Variants in TTC32 observed in about 807,000 individuals in gnomAD.
TTC32 encodes tetratricopeptide repeat domain 32.
A neutral mutation model predicts 15.3 loss-of-function variants in TTC32; 16 were observed. The ratio of observed to expected loss-of-function variants is 1.05; its 90% CI spans 0.71 to 1.59. The LOEUF is 1.59. Ranked by LOEUF, TTC32 falls within the 40% of genes most tolerant of loss-of-function variation. The pLI, the probability that TTC32 is intolerant of heterozygous loss-of-function variation, is 0.00. For missense variants in TTC32, 188 were observed against 181.9 expected (o/e 1.03, Z -0.19); for synonymous variants, 89 against 67.8 (o/e 1.31, Z -1.53).
In TTC32 at chr2:19,901,967, G is replaced by A; in HGVS notation, c.-113C>T. On this transcript the variant is annotated 5_prime_UTR_variant, in exon 1 of 3. Transcript: ENST00000333610. ...GAATCTACCTTGACAGCCAACCTTG[G>A]CGCTAGGTTTGTGCCTTATGGGGAT... is the stretch of plus-strand genomic sequence containing the variant. 7.2e-7 allele frequency: 1 copy of A among 1,381,940 alleles called. No homozygotes were observed. The highest frequency in any genetic ancestry group is 9.9e-7 in the Non-Finnish European group (1 of 1,006,200). The allele number at this position is 1,381,940 out of a possible 1,614,324, so 85.6% of individuals were successfully genotyped here. A position where few individuals can be genotyped will look rare whatever the true frequency, so the allele number is the denominator to read the frequency against.
In TTC32 at chr2:19,901,779, C is replaced by G. The variant is rs996129847; in HGVS notation, c.76G>C (p.Glu26Gln). The part of the protein sequence containing the change: ...QAHFNNGEYA[E>Q]AEALYSAYIR... ...TAAGCGGAGTACAGTGCCTCGGCCT[C>G]CGCGTACTCTCCATTGTTGAAATGA... Residue 26 changes from glutamate to glutamine, a missense_variant, in exon 1 of 3, where the codon GAG becomes CAG. Physicochemically the swap from Glu to Gln is conservative, Grantham distance 29. Coordinates refer to ENST00000333610, the MANE Select transcript of TTC32 (RefSeq NM_001008237.3). 5.0e-6 allele frequency: 8 copies of G among 1,614,224 alleles called. No individual in the cohort carries two copies. The highest frequency in any genetic ancestry group is 6.8e-6 in the Non-Finnish European group (8 of 1,180,044).
At chr2:19,899,333 A>G (rs1002169727) in intron 1 of TTC32, among the ~76,000 whole-genome samples, 6 of 152,230 alleles carry the variant, frequency 3.9e-5, no homozygotes, top group Non-Finnish European at 8.8e-5. Context: ...CCCAGTAGAG[A>G]GTTTAAAGAA....
chr2:19,897,042 T>C lies in TTC32; in HGVS notation c.401A>G (p.Gln134Arg), dbSNP rs750831348. 8.7e-6 allele frequency: 14 copies of C among 1,606,700 alleles called. No individual in the cohort carries two copies. The highest frequency in any genetic ancestry group is 1.2e-5 in the Non-Finnish European group (14 of 1,176,900). ...GFQDATLSLKQTILDKEEKQR... is the reference protein window; with the variant it reads ...GFQDATLSLKRTILDKEEKQR... ...TTTTTCTTCTTTGTCTAGAATAGTC[T>C]GTTTTAAGCTCAAAGTAGCATCTTG... is the stretch of plus-strand genomic sequence containing the variant. The change falls in exon 3 of 3, where the codon CAG becomes CGG. Residue 134 changes from glutamine to arginine, a missense_variant. Coordinates refer to ENST00000333610, the MANE Select transcript of TTC32 (RefSeq NM_001008237.3).
At chr2:19,897,475 T>C (rs1391565337) in intron 2 of TTC32, among the ~76,000 whole-genome samples, 2 of 152,238 alleles carry the variant, frequency 1.3e-5, no homozygotes, top group Non-Finnish European at 2.9e-5. Flanking sequence ...ACACTTTAAA[T>C]GAAGAAACAC....
Position 19,898,032 on chromosome 2 carries a change from T to A in TTC32, c.153A>T (p.Lys51Asn). 5 of 1,515,506 alleles carry A rather than the reference T, an allele frequency of 3.3e-6. No individual in the cohort carries two copies. The highest frequency in any genetic ancestry group is 4.5e-6 in the Non-Finnish European group (5 of 1,121,440). The allele number at this position is 1,515,506 out of a possible 1,614,324, so 93.9% of individuals were successfully genotyped here. The part of the protein sequence containing the change: ...AASSDESPGS[K>N]CSPEDLATAY... ...CAGTAGCCAAATCCTCAGGGCTGCA[T>A]TTGCTTTAAACAAAAAGTTCACATT... The change falls in exon 2 of 3, where the codon AAA becomes AAT. Residue 51 changes from lysine (K) to asparagine (N), a missense_variant. Transcript: ENST00000333610.
At position 19,897,277 on chromosome 2, in the gene TTC32, TAG is replaced by T. The variant is rs933508024; in HGVS notation, c.317-153_317-152del. 5.5e-6 allele frequency: 4 copies of T among 731,274 alleles called. No individual in the cohort carries two copies. The African/African-American group carries it at 7.4e-5, about 14-fold the overall frequency. The allele number at this position is 731,274 out of a possible 1,614,324, so 45.3% of individuals were successfully genotyped here. ...AAGGAATCTTTTTATCTTAATAATA[TAG>T]AGATGTGTATATCAAAGTAATTTTG... On this transcript the variant is annotated intron_variant, in intron 2 of 2. Coordinates refer to ENST00000333610, the MANE Select transcript of TTC32 (RefSeq NM_001008237.3).
intron 1 of TTC32, 126 bp downstream of exon 1, chr2:19,901,580 C>CTT: frequency 7.7e-7 from 1 of 1,303,298 alleles, no homozygotes; most frequent in South Asian, 1.5e-5. Flanking sequence ...CGTCCGCCCG[C>CTT]TCAGTCCTAG....
rs201817097 is a variant in TTC32, at chr2:19,901,887, G to C, written c.-33C>G. The C allele has an allele frequency of 1.9e-5, 31 of 1,612,700 alleles. No homozygotes were observed. The highest frequency in any genetic ancestry group is 2.5e-5 in the Non-Finnish European group (29 of 1,179,264). The stretch of plus-strand genomic sequence containing the variant: ...AAGGCCTAGTTTTCGGTGTAGAATG[G>C]GGGTTGACCTCCGAGCGGTTAGAGG... On this transcript the variant is annotated 5_prime_UTR_variant, in exon 1 of 3. Coordinates refer to ENST00000333610, the MANE Select transcript of TTC32 (RefSeq NM_001008237.3).
chr2:19,897,922 T>A lies in TTC32; in HGVS notation c.263A>T (p.Gln88Leu), dbSNP rs1265691238. 5.0e-6 allele frequency: 8 copies of A among 1,612,474 alleles called. No individual in the cohort carries two copies. The highest frequency in any genetic ancestry group is 6.8e-6 in the Non-Finnish European group (8 of 1,178,866). ...GTAATATGGAACTTCAAAATTGGGT[T>A]GGACTTCTATGGCAGATGTGTAGTC... The part of the protein sequence containing the change: ...MDDYTSAIEV[Q>L]PNFEVPYYNR... The change falls in exon 2 of 3, where the codon CAA becomes CTA. Residue 88 changes from glutamine (Q) to leucine (L), a missense_variant. Gln to Leu is a moderately radical substitution (Grantham distance 113). Transcript: ENST00000333610.
At chr2:19,900,932 A>G (rs1669590913) in intron 1 of TTC32, 1 of 333,420 alleles carries the variant, frequency 3.0e-6, no homozygotes, top group Admixed American at 4.1e-5. Context: ...CGGTTTCCTC[A>G]ACAAATAAAG....
chr2:19,901,066 CTTGATAT>C (rs1489028253), intron 1 of TTC32: 3 of 471,102 alleles, frequency 6.4e-6, no homozygotes, highest in African/African-American at 6.0e-5. Flanking sequence ...ACACTGACGA[CTTGATAT>C]TAAGTAACTA....
chr2:19,899,125 A>G (rs2103367069), intron 1 of TTC32, among the ~76,000 whole-genome samples: 1 of 152,368 alleles, frequency 6.6e-6, no homozygotes, highest in Non-Finnish European at 1.5e-5. Flanking sequence ...TCACAGCCCA[A>G]GGGCCTCCTT....
chr2:19,898,688 G>A (rs778729401), intron 1 of TTC32, among the ~76,000 whole-genome samples: 12 of 152,154 alleles, frequency 7.9e-5, no homozygotes, highest in Non-Finnish European at 1.6e-4. Context: ...CAATTTTGAT[G>A]TCCTTTGTGC....
intron 1 of TTC32, 191 bp downstream of exon 1, chr2:19,901,515 G>T: frequency 1.4e-6 from 1 of 689,890 alleles, no homozygotes; most frequent in Non-Finnish European, 2.2e-6. Flanking sequence ...GCTTCTCCCC[G>T]CGTTCTCCGC....
chr2:19,898,773 C>T (rs1364460370), intron 1 of TTC32, among the ~76,000 whole-genome samples: 2 of 152,234 alleles, frequency 1.3e-5, no homozygotes, highest in African/African-American at 4.8e-5. Context: ...CTGGGCTGTA[C>T]AGCCAGGTAG....
intron 1 of TTC32, 53 bp downstream of exon 1, chr2:19,901,653 C>A: frequency 1.3e-6 from 2 of 1,580,884 alleles, no homozygotes; most frequent in South Asian, 2.3e-5. Context: ...CCAAACAACC[C>A]CAACGTCGCC....
chr2:19,899,709 A>T (rs1183430895), intron 1 of TTC32, among the ~76,000 whole-genome samples: 1 of 150,442 alleles, frequency 6.6e-6, no homozygotes, highest in African/African-American at 2.4e-5. Context: ...GTGTATATAT[A>T]TTTTTTATAT....
rs888314215 is a variant in TTC32 at position 19,896,684 on chromosome 2, T to G, written c.*303A>C. On this transcript the variant is annotated 3_prime_UTR_variant, in exon 3 of 3. Coordinates refer to ENST00000333610, the MANE Select transcript of TTC32 (RefSeq NM_001008237.3). ...TTCAACTTTTCTGCAGATGTAACAT[T>G]TTTTAAATAAAAAGTTGAGAATAAA... The G allele has an allele frequency of 6.5e-6, 1 of 153,948 alleles. No individual in the cohort carries two copies. The highest frequency in any genetic ancestry group is 6.5e-5 in the Admixed American group (1 of 15,326). 9.5% of individuals were successfully genotyped at this position (153,948 alleles called of 1,614,324 possible).
rs1669611292 is a variant in TTC32, at chr2:19,901,770, C to G, written c.85G>C (p.Ala29Pro). 1 of 1,614,090 alleles carries G rather than the reference C, an allele frequency of 6.2e-7. No individual in the cohort carries two copies. The highest frequency in any genetic ancestry group is 1.3e-5 in the African/African-American group (1 of 74,944). ...CGGCGAATGTAAGCGGAGTACAGTGCCTCGGCCTCCGCGTACTCTCCATTG... is the reference window on the plus strand; with the variant it reads ...CGGCGAATGTAAGCGGAGTACAGTGGCTCGGCCTCCGCGTACTCTCCATTG... ...FNNGEYAEAE[A>P]LYSAYIRRCA... Residue 29 changes from alanine (A) to proline (P), a missense_variant, in exon 1 of 3, where the codon GCA (alanine) becomes CCA (proline). Coordinates refer to ENST00000333610, the MANE Select transcript of TTC32 (RefSeq NM_001008237.3).
Sources: gnomAD v4.1 joint callset for allele counts (sites outside exome capture counted in the v4.1 genomes callset) on GRCh38, gnomAD v4.1.1 for gene constraint, MANE v1.5 for transcripts, NCBI Gene and HGNC (gene_info 2026-07-23, HGNC 2026-07-21) for gene names.